SGCZ: variants seen among roughly 807,000 people sequenced by gnomAD.
SGCZ encodes zeta-sarcoglycan.
In SGCZ, 40 loss-of-function variants were observed where a neutral mutation model predicts 41.3. The ratio of observed to expected loss-of-function variants is 0.97; its 90% CI spans 0.75 to 1.26. The LOEUF is 1.26. Ranked by LOEUF, SGCZ falls within the 50% of genes most tolerant of loss-of-function variation. The pLI is 0.00. For synonymous variants in SGCZ, 206 were observed against 137.5 expected (o/e 1.50, Z -3.49); for missense variants, 552 against 369.8 (o/e 1.49, Z -4.04).
chr8:15,023,340 G>C (rs1200651292), intron 1 of SGCZ, among the ~76,000 whole-genome samples: 1 of 152,110 alleles, frequency 6.6e-6, no homozygotes, highest in Non-Finnish European at 1.5e-5. Context: ...CGTGAAACCT[G>C]CTTCCCAAGC....
intron 1 of SGCZ, among the ~76,000 whole-genome samples, chr8:14,952,016 T>C (rs1800656706): frequency 1.3e-5 from 2 of 152,160 alleles, no homozygotes; most frequent in Admixed American, 6.5e-5. Flanking sequence ...TCAATTTTAT[T>C]TGATACTCAC....
chr8:14,566,325 C>T (rs962591933), intron 1 of SGCZ, among the ~76,000 whole-genome samples: 1 of 152,174 alleles, frequency 6.6e-6, no homozygotes, highest in Non-Finnish European at 1.5e-5. Context: ...AGGAGTACAG[C>T]ATTCAATGGC....
chr8:14,963,997 T>G (rs1422857820), intron 1 of SGCZ, among the ~76,000 whole-genome samples: 1 of 152,170 alleles, frequency 6.6e-6, no homozygotes, highest in Non-Finnish European at 1.5e-5. Flanking sequence ...GTCACAAGCG[T>G]AAATAAAACC....
At chr8:15,059,421 A>G (rs1005405890) in intron 1 of SGCZ, among the ~76,000 whole-genome samples, 1 of 152,208 alleles carries the variant, frequency 6.6e-6, no homozygotes, top group Non-Finnish European at 1.5e-5. Context: ...TTTTCTAAGA[A>G]TGACAATTAC....
In SGCZ at chr8:14,628,735, C is replaced by G. The variant is rs542569977; in HGVS notation, c.40-73809G>C. Among the ~76,000 whole-genome samples, 260 of 152,150 alleles carry G rather than the reference C, an allele frequency of 1.7e-3. 1 individual carries two copies. The highest frequency in any genetic ancestry group is 6.8e-3 in the Middle Eastern group (2 of 294). On this transcript the variant is annotated intron_variant, in intron 1 of 7. Coordinates refer to ENST00000382080, the MANE Select transcript of SGCZ (RefSeq NM_139167.4). The stretch of plus-strand genomic sequence containing the variant: ...TTCATTTTGGTTATCTCCTCATAAC[C>G]TAAAAATTGAAAATGTCTGCTTTCA...
At chr8:15,069,563 C>G (rs1415647524) in intron 1 of SGCZ, among the ~76,000 whole-genome samples, 1 of 152,164 alleles carries the variant, frequency 6.6e-6, no homozygotes, top group Non-Finnish European at 1.5e-5. Flanking sequence ...GAAGAGCAAC[C>G]TCCAGGTTCC....
At chr8:14,673,739 C>G (rs10087537) in intron 1 of SGCZ, among the ~76,000 whole-genome samples, 1 of 151,940 alleles carries the variant, frequency 6.6e-6, no homozygotes, top group Non-Finnish European at 1.5e-5. Context: ...AATTAATGTA[C>G]AGATGAACAA....
At chr8:14,390,371 T>C (rs1407169941) in intron 2 of SGCZ, among the ~76,000 whole-genome samples, 1 of 151,838 alleles carries the variant, frequency 6.6e-6, no homozygotes, top group African/African-American at 2.4e-5. Flanking sequence ...TTCTAATAAT[T>C]GTAATAATAA....
chr8:15,236,446 G>A (rs1017372851), intron 1 of SGCZ, among the ~76,000 whole-genome samples: 1 of 151,706 alleles, frequency 6.6e-6, no homozygotes, highest in East Asian at 1.9e-4. Flanking sequence ...GGGTGGGGGG[G>A]TGCCTAAACA....
At chr8:14,292,563 G>A (rs1227603476) in intron 3 of SGCZ, among the ~76,000 whole-genome samples, 1 of 152,076 alleles carries the variant, frequency 6.6e-6, no homozygotes, top group African/African-American at 2.4e-5. Context: ...GGAAAAGGCT[G>A]CTTTGTGTTA....
chr8:14,899,069 A>C (rs891862364), intron 1 of SGCZ, among the ~76,000 whole-genome samples: 3 of 152,278 alleles, frequency 2.0e-5, no homozygotes, highest in African/African-American at 7.2e-5. Flanking sequence ...CGTTTTCCTT[A>C]AAAAGGAACT....
At chr8:14,847,142 AAGAAGAAG>A (rs1563312251) in intron 1 of SGCZ, among the ~76,000 whole-genome samples, 1 of 128,696 alleles carries the variant, frequency 7.8e-6, no homozygotes, top group Non-Finnish European at 1.6e-5. Context: ...GAAGAAGAAG[AAGAAGAAG>A]AAGAAGAAGA....
Position 14,994,098 on chromosome 8 carries a change from T to A in SGCZ, c.39+243487A>T, listed in dbSNP as rs576479161. ...GAGTATATTTTAAATGCAAAGCTCATAGGACTTATCTTTAGTTCATTCATT... is the reference window on the plus strand; with the variant it reads ...GAGTATATTTTAAATGCAAAGCTCAAAGGACTTATCTTTAGTTCATTCATT... On this transcript the variant is annotated intron_variant, in intron 1 of 7. Transcript: ENST00000382080. Among the ~76,000 whole-genome samples, 184 of 152,286 alleles carry A rather than the reference T, an allele frequency of 1.2e-3. 1 individual carries two copies. Among genetic ancestry groups the A allele is most frequent in the African/African-American group, 4.3e-3 (179 of 41,558 alleles).
intron 1 of SGCZ, among the ~76,000 whole-genome samples, chr8:14,713,363 A>G (rs1047964955): frequency 6.6e-6 from 1 of 152,222 alleles, no homozygotes; most frequent in East Asian, 1.9e-4. Flanking sequence ...CACTATTACT[A>G]TAATTTGTCA....
chr8:14,313,219 A>G (rs73666519), intron 3 of SGCZ, among the ~76,000 whole-genome samples: 3,249 of 152,308 alleles, frequency 0.021, 116 homozygotes, highest in African/African-American at 0.073. Context: ...TTAATACTTG[A>G]AAAGTACTTA....
chr8:15,172,838 C>A (rs1799885148), intron 1 of SGCZ, among the ~76,000 whole-genome samples: 1 of 152,116 alleles, frequency 6.6e-6, no homozygotes, highest in Admixed American at 6.5e-5. Context: ...TACCTGAATT[C>A]TTCATAGCAA....
At chr8:15,214,143 A>G (rs573307636) in intron 1 of SGCZ, among the ~76,000 whole-genome samples, 2 of 152,214 alleles carry the variant, frequency 1.3e-5, no homozygotes, top group East Asian at 3.9e-4. Context: ...ATCAATTTTT[A>G]TATAATAATA....
chr8:14,727,655 C>T (rs1810101061), intron 1 of SGCZ, among the ~76,000 whole-genome samples: 1 of 151,920 alleles, frequency 6.6e-6, no homozygotes, highest in Non-Finnish European at 1.5e-5. Flanking sequence ...GGACTACAGG[C>T]GCCCTCCACC....
At chr8:15,108,612 T>G (rs34548792) in intron 1 of SGCZ, among the ~76,000 whole-genome samples, 5,046 of 152,294 alleles carry the variant, frequency 0.033, 100 homozygotes, top group Non-Finnish European at 0.049. Context: ...TACATAGGAT[T>G]GATCAGGAGG....
Sources: allele counts gnomAD v4.1 joint callset (sites outside exome capture counted in the v4.1 genomes callset), GRCh38; gene constraint gnomAD v4.1.1; transcripts MANE v1.5; gene names NCBI Gene and HGNC (gene_info 2026-07-23, HGNC 2026-07-21).